PCDHA4: variants seen among roughly 807,000 people sequenced by gnomAD.
PCDHA4 encodes the protein protocadherin alpha-4.
In PCDHA4, 49 loss-of-function variants were observed where a neutral mutation model predicts 61.4. The observed-to-expected ratio is 0.80, with a 90% CI of 0.63 to 1.01. The LOEUF (loss-of-function observed/expected upper bound fraction) is 1.01, where lower values mean the gene tolerates loss of function less well. Among genes scored for constraint, PCDHA4 ranks in the 50% least tolerant of loss-of-function variants. PCDHA4 has a pLI of 0.00. For missense variants in PCDHA4, 1,254 were observed against 1,235.8 expected (o/e 1.01, Z -0.22); for synonymous variants, 590 against 550.3 (o/e 1.07, Z -1.01).
intron 1 of PCDHA4, among the ~76,000 whole-genome samples, chr5:140,818,079 C>A (rs1344307617): frequency 1.3e-5 from 2 of 152,162 alleles, no homozygotes; most frequent in Non-Finnish European, 2.9e-5. Context: ...GTTTTCAAAG[C>A]TTCTTATATC....
intron 1 of PCDHA4, chr5:140,871,151 C>T: frequency 6.2e-7 from 1 of 1,613,328 alleles, no homozygotes; most frequent in Non-Finnish European, 8.5e-7. Flanking sequence ...CGGACTTTGG[C>T]GGGCGCCGCG....
At chr5:140,889,339 G>A (rs1554183871) in intron 1 of PCDHA4, among the ~76,000 whole-genome samples, 1 of 151,948 alleles carries the variant, frequency 6.6e-6, no homozygotes, top group Admixed American at 6.6e-5. Flanking sequence ...TTTGATTGGT[G>A]GGAATATTTC....
intron 1 of PCDHA4, among the ~76,000 whole-genome samples, chr5:140,879,606 G>A (rs1554170878): frequency 6.6e-6 from 1 of 152,196 alleles, no homozygotes; most frequent in Non-Finnish European, 1.5e-5. Context: ...AAAACAATGT[G>A]TCCAGGTACT....
At chr5:140,822,297 C>A (rs1767263193) in intron 1 of PCDHA4, 3 of 1,614,030 alleles carry the variant, frequency 1.9e-6, no homozygotes, top group Middle Eastern at 1.6e-4. Context: ...TAAATCCAAA[C>A]GAATATTTTG....
chr5:140,863,443 C>A (rs1389927128), intron 1 of PCDHA4: 2 of 591,510 alleles, frequency 3.4e-6, no homozygotes, highest in Non-Finnish European at 3.2e-6. Flanking sequence ...TGGTCTTACT[C>A]GCAGCAAAGG....
At chr5:140,863,093 C>T (rs1204907629) in intron 1 of PCDHA4, 2 of 576,488 alleles carry the variant, frequency 3.5e-6, no homozygotes, top group Middle Eastern at 2.9e-4. Flanking sequence ...ATCAGCACGA[C>T]GAGTACCCTG....
chr5:140,935,393 C>T (rs1213341467), intron 1 of PCDHA4, among the ~76,000 whole-genome samples: 2 of 152,166 alleles, frequency 1.3e-5, no homozygotes, highest in Admixed American at 6.5e-5. Context: ...TGTTATCCCA[C>T]GGGACTCAAA....
chr5:140,929,931 A>G (rs2086483535), intron 1 of PCDHA4: 1 of 152,250 alleles, frequency 6.6e-6, no homozygotes, highest in Non-Finnish European at 1.5e-5. Flanking sequence ...AAAACAGTGT[A>G]TTCTCTAGCC....
At chr5:140,831,310 A>G (rs1483260174) in intron 1 of PCDHA4, 1 of 152,080 alleles carries the variant, frequency 6.6e-6, no homozygotes, top group East Asian at 1.9e-4. Context: ...ATTTCTTTGT[A>G]TTAGTGTTTT....
chr5:140,895,070 C>G (rs2064827781), intron 1 of PCDHA4, among the ~76,000 whole-genome samples: 1 of 152,106 alleles, frequency 6.6e-6, no homozygotes, highest in African/African-American at 2.4e-5. Context: ...GACTCAATTC[C>G]TATCAGTTCC....
chr5:140,831,138 T>G (rs1208993526), intron 1 of PCDHA4: 1 of 152,186 alleles, frequency 6.6e-6, no homozygotes, highest in Admixed American at 6.6e-5. Flanking sequence ...GGTTATTGAT[T>G]TATTTACTAC....
rs1222255074 is a variant in PCDHA4 at position 141,012,119 on chromosome 5, A to G, written c.*2182A>G. ...CATTTTGCCCCACTGAAGCCCATGT[A>G]TCTGACCTTACGTGCCTTTTGAACT... On this transcript the variant is annotated 3_prime_UTR_variant, in exon 4 of 4. Coordinates refer to ENST00000530339, the MANE Select transcript of PCDHA4 (RefSeq NM_018907.4). 6.5e-6 allele frequency: 1 copy of G among 153,734 alleles called. No individual in the cohort carries two copies. Among genetic ancestry groups the G allele is most frequent in the African/African-American group, 2.4e-5 (1 of 41,454 alleles). 9.5% of individuals were successfully genotyped at this position (153,734 alleles called of 1,614,324 possible). A position where few individuals can be genotyped will look rare whatever the true frequency, so the allele number is the denominator to read the frequency against.
Position 140,841,611 on chromosome 5 carries a change from G to A in PCDHA4, c.2385+32039G>A, listed in dbSNP as rs2150319293. ...CGGATCGACCGCGAGGAGCTGTGCG[G>A]GCGGAGCGCGGAGTGCAGCATCCAC... On this transcript the variant is annotated intron_variant, in intron 1 of 3. Transcript: ENST00000530339. 6 of 1,614,136 alleles carry A rather than the reference G, an allele frequency of 3.7e-6. No individual in the cohort carries two copies. The highest frequency in any genetic ancestry group is 4.2e-6 in the Non-Finnish European group (5 of 1,180,014).
At chr5:140,830,998 TA>T (rs1184514649) in intron 1 of PCDHA4, 3 of 152,294 alleles carry the variant, frequency 2.0e-5, no homozygotes, top group Admixed American at 6.5e-5. Flanking sequence ...TCATAGTTTT[TA>T]TCTGTGGTTC....
At chr5:140,969,363 C>G (rs367871893) in intron 1 of PCDHA4, 4 of 1,610,614 alleles carry the variant, frequency 2.5e-6, no homozygotes, top group East Asian at 4.5e-5. Flanking sequence ...CTTCTACAAA[C>G]TCATGCATTT....
intron 1 of PCDHA4, chr5:140,829,906 G>A (rs2150177512): frequency 6.2e-6 from 10 of 1,613,980 alleles, no homozygotes; most frequent in Non-Finnish European, 8.5e-6. Flanking sequence ...GCTACAACGC[G>A]TGGCTTTCGT....
At chr5:140,959,414 C>T (rs1408668310) in intron 1 of PCDHA4, among the ~76,000 whole-genome samples, 3 of 151,996 alleles carry the variant, frequency 2.0e-5, no homozygotes, top group African/African-American at 7.2e-5. Context: ...GTTGATTGAT[C>T]TGAGAATTTG....
intron 3 of PCDHA4, among the ~76,000 whole-genome samples, chr5:141,007,475 C>T (rs575810038): frequency 1.2e-4 from 18 of 151,396 alleles, no homozygotes; most frequent in Non-Finnish European, 2.1e-4. Flanking sequence ...GGCTGAGGCA[C>T]GAGAATTACT....
At chr5:140,852,213 T>C (rs1221806389) in intron 1 of PCDHA4, 1 of 646,494 alleles carries the variant, frequency 1.5e-6, no homozygotes, top group Non-Finnish European at 2.0e-6. Flanking sequence ...TAAAACAAAA[T>C]ATTTTAATTT....
Sources: allele counts gnomAD v4.1 joint callset (sites outside exome capture counted in the v4.1 genomes callset), GRCh38; gene constraint gnomAD v4.1.1; transcripts MANE v1.5; gene names NCBI Gene and HGNC (gene_info 2026-07-23, HGNC 2026-07-21).